The following RNF144A variants were observed in gnomAD, a reference collection of about 807,000 sequenced individuals.
RNF144A encodes the protein E3 ubiquitin-protein ligase RNF144A.
Under a neutral mutation model 38.7 loss-of-function variants are expected in RNF144A, and 11 were observed. The ratio of observed to expected loss-of-function variants is 0.28; its 90% CI spans 0.18 to 0.47. The LOEUF is 0.47. Among genes scored for constraint, RNF144A ranks in the 20% least tolerant of loss-of-function variants. The probability of loss-of-function intolerance (pLI) is 0.99; values close to 1 mark genes in which losing one functional copy is unlikely to be tolerated. For synonymous variants in RNF144A, 149 were observed against 143.9 expected (o/e 1.04, Z -0.25); for missense variants, 316 against 377.2 (o/e 0.84, Z 1.34).
the RNF144A span, among the ~76,000 whole-genome samples, chr2:7,075,911 C>T: frequency 6.6e-6 from 1 of 152,208 alleles, no homozygotes; most frequent in African/African-American, 2.4e-5. Flanking sequence ...TCTGCCATTA[C>T]TGGTTCACCC....
At chr2:7,049,647 A>G (rs1404711275) in intron 6 of RNF144A, among the ~76,000 whole-genome samples, 1 of 152,256 alleles carries the variant, frequency 6.6e-6, no homozygotes, top group African/African-American at 2.4e-5. Flanking sequence ...TTGGTGCACA[A>G]TGAATGTTAA....
At chr2:6,967,061 C>T (rs1322659821) in intron 2 of RNF144A, among the ~76,000 whole-genome samples, 3 of 152,122 alleles carry the variant, frequency 2.0e-5, no homozygotes, top group African/African-American at 7.2e-5. Flanking sequence ...AACTTTGTCT[C>T]CTCCCCACAT....
At chr2:7,019,356 C>T (rs1186750577) in intron 5 of RNF144A, among the ~76,000 whole-genome samples, 4 of 152,328 alleles carry the variant, frequency 2.6e-5, no homozygotes, top group South Asian at 2.1e-4. Context: ...GGTCCACGTG[C>T]GGCGCCAGCA....
At position 6,993,402 on chromosome 2, in the gene RNF144A, A is replaced by G. The variant is rs770233585; in HGVS notation, c.-11-3514A>G. Among the ~76,000 whole-genome samples, 2 of 152,124 alleles carry G rather than the reference A, an allele frequency of 1.3e-5. 1 individual carries two copies. Among genetic ancestry groups the G allele is most frequent in the South Asian group, 4.2e-4 (2 of 4,818 alleles). On this transcript the variant is annotated intron_variant, in intron 2 of 8. Transcript: ENST00000320892. The stretch of plus-strand genomic sequence containing the variant: ...GCAGAAAGGAAGTCAGACAGATGGA[A>G]CCCTGTACGCTGTGCCAGGAGGTCA...
chr2:6,952,021 C>T (rs955298491), intron 2 of RNF144A, among the ~76,000 whole-genome samples: 8 of 152,144 alleles, frequency 5.3e-5, no homozygotes, highest in Admixed American at 2.6e-4. Context: ...ATTAAAAATA[C>T]GTTTGCCGCC....
At chr2:7,013,937 C>A (rs976603362) in intron 3 of RNF144A, among the ~76,000 whole-genome samples, 6 of 152,178 alleles carry the variant, frequency 3.9e-5, no homozygotes, top group African/African-American at 1.4e-4. Flanking sequence ...TCTGAGCAAG[C>A]TTGGGTTCAC....
chr2:7,009,139 C>T (rs542000381), intron 3 of RNF144A, among the ~76,000 whole-genome samples: 8 of 152,152 alleles, frequency 5.3e-5, no homozygotes, highest in African/African-American at 1.9e-4. Flanking sequence ...ACACAGCATG[C>T]GGGCTGGAAG....
intron 8 of RNF144A, among the ~76,000 whole-genome samples, chr2:7,035,187 T>G (rs963235525): frequency 6.6e-6 from 1 of 152,164 alleles, no homozygotes; most frequent in Admixed American, 6.5e-5. Flanking sequence ...TCCTTCTCCC[T>G]GTCAAGCTAT....
intron 2 of RNF144A, among the ~76,000 whole-genome samples, chr2:6,972,860 G>T (rs1668082406): frequency 6.6e-6 from 1 of 152,318 alleles, no homozygotes; most frequent in Admixed American, 6.5e-5. Flanking sequence ...AAAGGTGCAT[G>T]CCCTCTAACA....
Position 7,042,732 on chromosome 2 carries a change from G to A in RNF144A, c.*2972G>A, listed in dbSNP as rs1427669700. 5 of 985,414 alleles carry A rather than the reference G, an allele frequency of 5.1e-6. No individual in the cohort carries two copies. The highest frequency in any genetic ancestry group is 4.7e-5 in the South Asian group (1 of 21,296). 61.0% of individuals were successfully genotyped at this position (985,414 alleles called of 1,614,324 possible). A position where few individuals can be genotyped will look rare whatever the true frequency, so the allele number is the denominator to read the frequency against. Reference sequence around the variant, plus strand: ...AGATGCAGTCACCATAGATGTCCACGTAGCAGAGACTGACTTAGGATCTGA... The same window carrying A: ...AGATGCAGTCACCATAGATGTCCACATAGCAGAGACTGACTTAGGATCTGA... On this transcript the variant is annotated 3_prime_UTR_variant, in exon 9 of 9. Transcript: ENST00000320892.
At chr2:6,940,765 G>A (rs192273807) in intron 1 of RNF144A, among the ~76,000 whole-genome samples, 183 bp from the exon 2 acceptor site, 22 of 152,126 alleles carry the variant, frequency 1.4e-4, no homozygotes, top group Admixed American at 2.0e-4. Context: ...CTTCTTGGTG[G>A]ATTTTTTTTT....
At chr2:6,983,548 A>G (rs1668769294) in intron 2 of RNF144A, among the ~76,000 whole-genome samples, 1 of 152,132 alleles carries the variant, frequency 6.6e-6, no homozygotes, top group Non-Finnish European at 1.5e-5. Flanking sequence ...ACTTATTCTT[A>G]TGCAGATCTT....
rs1665986545 is a variant in RNF144A at position 6,941,634 on chromosome 2, A to G, written c.-12+487A>G. Reference sequence around the variant, plus strand: ...TTGACAGTAGCCGGAAGCAAATTATATACTATGCAACAAGGCCTAGATATT... The same window carrying G: ...TTGACAGTAGCCGGAAGCAAATTATGTACTATGCAACAAGGCCTAGATATT... On this transcript the variant is annotated intron_variant, in intron 2 of 8. Coordinates refer to ENST00000320892, the MANE Select transcript of RNF144A (RefSeq NM_014746.6). The surrounding 1 kb of genome is among the most constrained non-coding windows in gnomAD (Gnocchi z 6.5). Among the ~76,000 whole-genome samples, 1 of 152,264 alleles carries G rather than the reference A, an allele frequency of 6.6e-6. No homozygotes were observed. Among genetic ancestry groups the G allele is most frequent in the South Asian group, 2.1e-4 (1 of 4,836 alleles).
At chr2:6,995,433 A>C (rs1669663759) in intron 2 of RNF144A, among the ~76,000 whole-genome samples, 1 of 152,132 alleles carries the variant, frequency 6.6e-6, no homozygotes, top group Non-Finnish European at 1.5e-5. Context: ...GGAGTTTGTT[A>C]GGTAGTATTG....
At chr2:7,044,933 TG>T, downstream of RNF144A, among the ~76,000 whole-genome samples, 1 of 152,356 alleles carries the variant, frequency 6.6e-6, no homozygotes, top group South Asian at 2.1e-4. Flanking sequence ...CTCAAGGGGT[TG>T]ACAGATAAGT....
chr2:7,030,036 A>G (rs1487731756), intron 7 of RNF144A, 90 bp from the exon 8 acceptor site: 2 of 895,862 alleles, frequency 2.2e-6, no homozygotes, highest in Non-Finnish European at 3.7e-6. Flanking sequence ...TATCATGAGC[A>G]TAGGAGAAGA....
intron 2 of RNF144A, among the ~76,000 whole-genome samples, chr2:6,995,506 C>T (rs1558415747): frequency 1.3e-5 from 2 of 152,156 alleles, no homozygotes; most frequent in Admixed American, 6.5e-5. Context: ...AGCAAGGAAG[C>T]CAGTCCAAGT....
chr2:7,043,261 CT>C lies in RNF144A; in HGVS notation c.*3502del. On this transcript the variant is annotated 3_prime_UTR_variant, in exon 9 of 9. Coordinates refer to ENST00000320892, the MANE Select transcript of RNF144A (RefSeq NM_014746.6). ...CCAGTTCCTGATTAGAACACAGGAC[CT>C]GTGGGAGGGACTATCAGAGATGCAA... 1.0e-6 allele frequency: 1 copy of C among 984,904 alleles called. No individual in the cohort carries two copies. The highest frequency in any genetic ancestry group is 1.7e-5 in the African/African-American group (1 of 57,330). The allele number at this position is 984,904 out of a possible 1,614,324, so 61.0% of individuals were successfully genotyped here. A position where few individuals can be genotyped will look rare whatever the true frequency, so the allele number is the denominator to read the frequency against.
At chr2:6,934,885 C>T (rs1355693269) in intron 1 of RNF144A, among the ~76,000 whole-genome samples, 2 of 152,186 alleles carry the variant, frequency 1.3e-5, no homozygotes, top group Non-Finnish European at 2.9e-5. Context: ...AGCTATTTTG[C>T]AGTAGCTGTG....
Sources: allele counts gnomAD v4.1 joint callset (sites outside exome capture counted in the v4.1 genomes callset), GRCh38; gene constraint gnomAD v4.1.1; non-coding constraint Gnocchi (gnomAD v3.1); transcripts MANE v1.5; gene names NCBI Gene and HGNC (gene_info 2026-07-23, HGNC 2026-07-21).